Variants in SDK2 observed in about 807,000 individuals in gnomAD.
SDK2 encodes protein sidekick-2.
A neutral mutation model predicts 253.9 loss-of-function variants in SDK2; 105 were observed. The ratio of observed to expected loss-of-function variants is 0.41; its 90% CI spans 0.35 to 0.49. SDK2 has a LOEUF of 0.49. SDK2 is among the 20% of genes least tolerant of loss of function. The probability of loss-of-function intolerance (pLI) is 0.06; values close to 1 mark genes in which losing one functional copy is unlikely to be tolerated. For missense variants in SDK2, 2,608 were observed against 3,003.0 expected (o/e 0.87, Z 3.07); for synonymous variants, 1,249 against 1,234.9 (o/e 1.01, Z -0.24).
intron 44 of SDK2, among the ~76,000 whole-genome samples, chr17:73,343,155 A>T (rs2062453803): frequency 6.6e-6 from 1 of 152,218 alleles, no homozygotes; most frequent in Non-Finnish European, 1.5e-5. Context: ...CATCTAGACC[A>T]TCCCCGTCCT....
At chr17:73,610,944 T>A (rs1177173936) in intron 1 of SDK2, among the ~76,000 whole-genome samples, 1 of 152,194 alleles carries the variant, frequency 6.6e-6, no homozygotes, top group Non-Finnish European at 1.5e-5. Context: ...CTCCCAGTTC[T>A]CAGAATGAAC....
At chr17:73,533,121 G>A (rs992082521) in intron 1 of SDK2, among the ~76,000 whole-genome samples, 9 of 152,220 alleles carry the variant, frequency 5.9e-5, no homozygotes, top group Non-Finnish European at 1.3e-4. Context: ...CCTACGGGAC[G>A]CAGGCAGTGC....
Position 73,401,422 on chromosome 17 carries a change from TAGTG to T in SDK2, c.2780-215_2780-212del, listed in dbSNP as rs149091394. ...GCACTTTAGGGAATTGCAGGGGACA[TAGTG>T]AGTCATCATGGCAGCCACTGAGATC... On this transcript the variant is annotated intron_variant, in intron 20 of 44. Coordinates refer to ENST00000392650, the MANE Select transcript of SDK2 (RefSeq NM_001144952.2). Among the ~76,000 whole-genome samples the T allele has an allele frequency of 3.1e-3, 466 of 152,136 alleles. 14 individuals carry two copies. In the East Asian group the frequency reaches 0.048, roughly 16 times the overall value.
At chr17:73,386,886 C>T (rs76444468) in intron 30 of SDK2, among the ~76,000 whole-genome samples, 6,353 of 152,276 alleles carry the variant, frequency 0.042, 175 homozygotes, top group South Asian at 0.099. Flanking sequence ...AGCACCAATA[C>T]CTCCACTCGG....
chr17:73,503,188 C>T (rs2063903524), intron 2 of SDK2, among the ~76,000 whole-genome samples: 1 of 152,160 alleles, frequency 6.6e-6, no homozygotes, highest in African/African-American at 2.4e-5. Context: ...ACGTGATCCC[C>T]GATTAGGTCC....
At chr17:73,463,096 C>T (rs2063574825) in intron 3 of SDK2, among the ~76,000 whole-genome samples, 2 of 152,106 alleles carry the variant, frequency 1.3e-5, no homozygotes, top group Admixed American at 6.5e-5. Flanking sequence ...GACTGAGGCC[C>T]CACGATCCCC....
intron 43 of SDK2, 29 bp downstream of exon 43, chr17:73,350,208 G>GA (rs1555749326): frequency 6.6e-7 from 1 of 1,512,028 alleles, no homozygotes; most frequent in South Asian, 1.3e-5. Context: ...GCTGGGCCTG[G>GA]CCCCCAACCC....
Position 73,456,773 on chromosome 17 carries a change from G to A in SDK2, c.332-720C>T, listed in dbSNP as rs113736956. ...GGTAAGCACAGAGCAGAGGAGACGC[G>A]GGTAGGAAACTCTTCAGCCAGCCTG... On this transcript the variant is annotated intron_variant, in intron 3 of 44. Coordinates refer to ENST00000392650, the MANE Select transcript of SDK2 (RefSeq NM_001144952.2). Among the ~76,000 whole-genome samples the A allele has an allele frequency of 8.4e-3, 1,285 of 152,326 alleles. 20 individuals are homozygous for A. The highest frequency in any genetic ancestry group is 0.029 in the African/African-American group (1,219 of 41,568).
intron 24 of SDK2, among the ~76,000 whole-genome samples, chr17:73,396,851 G>A (rs1403597043): frequency 6.6e-6 from 1 of 152,242 alleles, no homozygotes; most frequent in Non-Finnish European, 1.5e-5. Context: ...GGTGGGTATA[G>A]TCACACTGTG....
intron 1 of SDK2, among the ~76,000 whole-genome samples, chr17:73,632,740 C>G (rs904270648): frequency 6.6e-6 from 1 of 152,190 alleles, no homozygotes; most frequent in Non-Finnish European, 1.5e-5. Flanking sequence ...CTTTAGAAAA[C>G]AGCACAGAAA....
chr17:73,349,138 T>A (rs1038996075), intron 43 of SDK2, among the ~76,000 whole-genome samples: 1 of 152,056 alleles, frequency 6.6e-6, no homozygotes, highest in Non-Finnish European at 1.5e-5. Context: ...ACGTGTGAAA[T>A]GCCCCCTTGT....
chr17:73,402,365 C>CGT (rs2063036044), intron 18 of SDK2, among the ~76,000 whole-genome samples: 1 of 152,212 alleles, frequency 6.6e-6, no homozygotes, highest in Non-Finnish European at 1.5e-5. Context: ...TGCAAAGCAC[C>CGT]GTGCTGGGTG....
chr17:73,387,457 C>T (rs1222112841), intron 30 of SDK2, among the ~76,000 whole-genome samples: 3 of 152,266 alleles, frequency 2.0e-5, no homozygotes, highest in South Asian at 2.1e-4. Context: ...TCAACCCACT[C>T]GGAATTAAAT....
intron 1 of SDK2, among the ~76,000 whole-genome samples, chr17:73,610,222 C>T (rs890325325): frequency 6.6e-6 from 1 of 152,186 alleles, no homozygotes; most frequent in Non-Finnish European, 1.5e-5. Flanking sequence ...TGCCCATGCA[C>T]AGGCATGTGA....
At chr17:73,393,253 A>AG (rs2062943014) in intron 27 of SDK2, among the ~76,000 whole-genome samples, 1 of 142,362 alleles carries the variant, frequency 7.0e-6, no homozygotes, top group African/African-American at 3.1e-5. Flanking sequence ...AAAAAAAAAA[A>AG]AAAAAAAAAA....
chr17:73,614,268 T>A (rs2046019024), intron 1 of SDK2, among the ~76,000 whole-genome samples: 1 of 152,158 alleles, frequency 6.6e-6, no homozygotes, highest in South Asian at 2.1e-4. Flanking sequence ...TTGCCTCGCT[T>A]TACAGTTAAG....
chr17:73,497,328 G>C (rs1469490423), intron 2 of SDK2, among the ~76,000 whole-genome samples: 3 of 152,138 alleles, frequency 2.0e-5, no homozygotes, highest in Non-Finnish European at 4.4e-5. Context: ...TCTAGGTTTT[G>C]TTCTGCCAGG....
chr17:73,524,199 C>T (rs577542987), intron 1 of SDK2, among the ~76,000 whole-genome samples: 115 of 152,220 alleles, frequency 7.6e-4, no homozygotes, highest in Non-Finnish European at 1.0e-3. Context: ...TGGTGACTGA[C>T]GACATTCTGT....
chr17:73,617,995 C>T (rs1050120654), intron 1 of SDK2, among the ~76,000 whole-genome samples: 9 of 152,192 alleles, frequency 5.9e-5, no homozygotes, highest in East Asian at 1.9e-4. Flanking sequence ...TGCTGTCTGA[C>T]GAGTTAACCA....
Sources: allele counts gnomAD v4.1 joint callset (sites outside exome capture counted in the v4.1 genomes callset), GRCh38; gene constraint gnomAD v4.1.1; transcripts MANE v1.5; gene names NCBI Gene and HGNC (gene_info 2026-07-23, HGNC 2026-07-21).